DGKG: variants seen among roughly 807,000 people sequenced by gnomAD.
The protein encoded by DGKG is diacylglycerol kinase gamma, also known as DAG kinase gamma.
DGKG carries 78 observed loss-of-function variants against 105.3 expected under a neutral mutation model. That is an observed-to-expected ratio of 0.74 (90% CI 0.62 to 0.89). DGKG has a LOEUF of 0.89. Among genes scored for constraint, DGKG ranks in the 40% least tolerant of loss-of-function variants. DGKG has a pLI of 0.00. For missense variants in DGKG, 958 were observed against 1,020.1 expected (o/e 0.94, Z 0.83); for synonymous variants, 346 against 367.1 (o/e 0.94, Z 0.66).
intron 17 of DGKG, among the ~76,000 whole-genome samples, chr3:186,254,394 G>A (rs1407248745): frequency 6.6e-6 from 1 of 152,108 alleles, no homozygotes; most frequent in Non-Finnish European, 1.5e-5. Flanking sequence ...GCAAAACAAT[G>A]CAATGGCCCC....
At chr3:186,310,026 T>G (rs1220640798) in intron 2 of DGKG, among the ~76,000 whole-genome samples, 9 of 150,830 alleles carry the variant, frequency 6.0e-5, no homozygotes, top group Non-Finnish European at 1.2e-4. Flanking sequence ...CCCAGCACTT[T>G]GGGAGGCTGA....
At position 186,211,870 on chromosome 3, in the gene DGKG, C is replaced by A; in HGVS notation, c.1842G>T (p.Leu614=). ...EKFNSRMKNK[L]WYFEFGTSET... ...CCGAGGTGCCAAATTCAAAGTACCACAGCTTGTTCTTCATCCTGGACCACA... is the reference window on the plus strand; with the variant it reads ...CCGAGGTGCCAAATTCAAAGTACCAAAGCTTGTTCTTCATCCTGGACCACA... The change falls in exon 21 of 25, where the codon CTG becomes CTT. Residue 614 remains leucine, a synonymous_variant. Transcript: ENST00000265022. 1 of 1,614,064 alleles carries A rather than the reference C, an allele frequency of 6.2e-7. No individual in the cohort carries two copies.
chr3:186,353,455 G>T (rs1301251795), intron 1 of DGKG, among the ~76,000 whole-genome samples: 1 of 151,494 alleles, frequency 6.6e-6, no homozygotes, highest in Non-Finnish European at 1.5e-5. Flanking sequence ...GGACGCAGAG[G>T]TTACAGTGAG....
intron 21 of DGKG, among the ~76,000 whole-genome samples, chr3:186,199,254 G>A (rs1718330960): frequency 6.6e-6 from 1 of 151,858 alleles, no homozygotes; most frequent in Non-Finnish European, 1.5e-5. Context: ...TGGCTTTCAG[G>A]ACAGTCCAGT....
intron 18 of DGKG, 68 bp downstream of exon 18, chr3:186,253,025 C>A: frequency 7.2e-7 from 1 of 1,390,022 alleles, no homozygotes; most frequent in Non-Finnish European, 1.0e-6. Context: ...TTCAGCCTAG[C>A]TCTGTAGAGC....
intron 1 of DGKG, among the ~76,000 whole-genome samples, chr3:186,342,758 A>G (rs557699965): frequency 1.3e-5 from 2 of 152,266 alleles, no homozygotes; most frequent in Non-Finnish European, 2.9e-5. Context: ...AGGCAGTCTA[A>G]AAAGTTAAAA....
intron 1 of DGKG, among the ~76,000 whole-genome samples, chr3:186,342,600 G>A (rs950317246): frequency 1.3e-5 from 2 of 148,370 alleles, no homozygotes; most frequent in South Asian, 2.1e-4. Flanking sequence ...TTTTTCTCTC[G>A]GTCCCTCATT....
At chr3:186,357,393 G>A (rs981057252) in intron 1 of DGKG, among the ~76,000 whole-genome samples, 5 of 152,024 alleles carry the variant, frequency 3.3e-5, no homozygotes, top group African/African-American at 1.2e-4. Context: ...CAGTTATTGA[G>A]GCAGTAAAGC....
intron 5 of DGKG, among the ~76,000 whole-genome samples, chr3:186,289,101 A>G (rs959163139): frequency 6.6e-6 from 1 of 152,142 alleles, no homozygotes; most frequent in Non-Finnish European, 1.5e-5. Flanking sequence ...TTAAGAGTCT[A>G]TTTCCTTGCA....
chr3:186,252,359 C>G (rs2108563747), intron 18 of DGKG, among the ~76,000 whole-genome samples: 1 of 152,356 alleles, frequency 6.6e-6, no homozygotes, highest in South Asian at 2.1e-4. Flanking sequence ...GAACACTGAC[C>G]ATTGCACTGC....
intron 1 of DGKG, among the ~76,000 whole-genome samples, chr3:186,328,722 C>A (rs1343210167): frequency 6.6e-6 from 1 of 151,714 alleles, no homozygotes; most frequent in African/African-American, 2.4e-5. Flanking sequence ...ACTACAGGCA[C>A]CTGCCACCAC....
intron 19 of DGKG, among the ~76,000 whole-genome samples, chr3:186,250,829 C>T (rs7632848): frequency 0.017 from 2,645 of 152,158 alleles, 94 homozygotes; most frequent in African/African-American, 0.06. Context: ...GGATTGCAGG[C>T]GTGAGCTACC....
intron 1 of DGKG, among the ~76,000 whole-genome samples, chr3:186,322,870 G>T (rs913062214): frequency 1.3e-5 from 2 of 152,180 alleles, no homozygotes; most frequent in Non-Finnish European, 2.9e-5. Context: ...AGAGAAGCCA[G>T]TGCCCAGGTC....
chr3:186,283,381 AC>A (rs1722914571), intron 7 of DGKG, among the ~76,000 whole-genome samples: 1 of 151,512 alleles, frequency 6.6e-6, no homozygotes, highest in African/African-American at 2.4e-5. Flanking sequence ...CATCCTAGGG[AC>A]CCTCAGGACC....
chr3:186,179,623 C>T (rs1717261601), intron 22 of DGKG, among the ~76,000 whole-genome samples: 1 of 152,210 alleles, frequency 6.6e-6, no homozygotes, highest in Non-Finnish European at 1.5e-5. Context: ...TAGAAATAGG[C>T]ATCTGAGAAC....
At chr3:186,356,314 G>A (rs1296571088) in intron 1 of DGKG, among the ~76,000 whole-genome samples, 1 of 152,200 alleles carries the variant, frequency 6.6e-6, no homozygotes, top group Non-Finnish European at 1.5e-5. Context: ...TACACTGGAT[G>A]CTAGAATCAC....
intron 1 of DGKG, among the ~76,000 whole-genome samples, chr3:186,352,961 C>T (rs193263606): frequency 6.6e-6 from 1 of 152,250 alleles, no homozygotes; most frequent in Non-Finnish European, 1.5e-5. Context: ...CCTCCATGGC[C>T]CAGCTCCTGT....
chr3:186,223,459 A>T (rs1316433435), intron 20 of DGKG, among the ~76,000 whole-genome samples: 1 of 152,018 alleles, frequency 6.6e-6, no homozygotes, highest in Non-Finnish European at 1.5e-5. Flanking sequence ...TCTTGTCTAG[A>T]ATTAAGTCCA....
chr3:186,165,266 G>C (rs1716485237), intron 22 of DGKG, among the ~76,000 whole-genome samples: 1 of 152,106 alleles, frequency 6.6e-6, no homozygotes. Context: ...CAATAAATAG[G>C]TTACCATATC....
Sources: allele counts gnomAD v4.1 joint callset (sites outside exome capture counted in the v4.1 genomes callset), GRCh38; gene constraint gnomAD v4.1.1; transcripts MANE v1.5; gene names NCBI Gene and HGNC (gene_info 2026-07-23, HGNC 2026-07-21).